EOLA2: variants seen among roughly 807,000 people sequenced by gnomAD.
EOLA2 encodes the protein protein EOLA2.
In EOLA2, 3 loss-of-function variants were observed where a neutral mutation model predicts 4.1. The ratio of observed to expected loss-of-function variants is 0.73; its 90% confidence interval spans 0.33 to 1.89. EOLA2 has a LOEUF of 1.89. Ranked by LOEUF, EOLA2 falls within the 40% of genes most tolerant of loss-of-function variation. The pLI, the probability that EOLA2 is intolerant of heterozygous loss-of-function variation, is 0.08. For synonymous variants in EOLA2, 52 were observed against 51.7 expected (o/e 1.01, Z -0.03); for missense variants, 109 against 126.4 (o/e 0.86, Z 0.66).
At chrX:149,935,788 C>T (rs1194459267) in intron 2 of EOLA2, among the ~76,000 whole-genome samples, 14 of 106,394 alleles carry the variant, frequency 1.3e-4, no homozygotes, top group Middle Eastern at 4.8e-3. Flanking sequence ...ACCTCCCTTC[C>T]ACCTCTGTGA....
At chrX:149,937,742 A>C (rs184917597) in intron 1 of EOLA2, among the ~76,000 whole-genome samples, 149 of 112,654 alleles carry the variant, frequency 1.3e-3, no homozygotes, top group African/African-American at 4.6e-3. Flanking sequence ...TCACATTCCT[A>C]CAGCTGAGCA....
downstream of EOLA2, among the ~76,000 whole-genome samples, chrX:149,931,468 A>G (rs1300492436): frequency 1.9e-5 from 2 of 107,106 alleles, no homozygotes; most frequent in Admixed American, 2.0e-4. Flanking sequence ...GGCCAAGCCC[A>G]GGAAGACCTG....
chrX:149,930,433 T>C (rs1248832470), downstream of EOLA2, among the ~76,000 whole-genome samples: 15 of 110,234 alleles, frequency 1.4e-4, no homozygotes, highest in East Asian at 4.3e-3. Context: ...ATCTATGAAT[T>C]GTTTATCTTT....
intron 2 of EOLA2, among the ~76,000 whole-genome samples, chrX:149,935,296 GC>G (rs2090965111): frequency 1.4e-5 from 1 of 72,494 alleles, no homozygotes; most frequent in African/African-American, 5.5e-5. Flanking sequence ...TGCCTGCTGT[GC>G]TCTGGACCCT....
intron 2 of EOLA2, 87 bp from the exon 3 acceptor site, chrX:149,934,224 C>T: frequency 1.2e-6 from 1 of 817,842 alleles, no homozygotes; most frequent in Non-Finnish European, 1.5e-6. Context: ...GACAGAGGGC[C>T]CCCTCGGCCT....
intron 2 of EOLA2, among the ~76,000 whole-genome samples, chrX:149,935,252 C>T (rs1180315063): frequency 1.3e-5 from 1 of 77,682 alleles, no homozygotes; most frequent in African/African-American, 4.9e-5. Context: ...GCTTTTCTCC[C>T]GCCTCTGGGG....
chrX:149,937,977 G>A (rs1307802034), intron 1 of EOLA2, among the ~76,000 whole-genome samples: 4 of 113,010 alleles, frequency 3.5e-5, no homozygotes, highest in African/African-American at 9.6e-5. Flanking sequence ...TGGGGCCGCT[G>A]TGTGTGGAGC....
chrX:149,938,453 C>A lies in EOLA2; in HGVS notation c.-471G>T, dbSNP rs1162127440. The A allele has an allele frequency of 8.9e-6, 1 of 112,900 alleles. No homozygotes were observed. Among genetic ancestry groups the A allele is most frequent in the Non-Finnish European group, 1.9e-5 (1 of 53,293 alleles). 9.3% of individuals were successfully genotyped at this position (112,900 alleles called of 1,213,427 possible). The stretch of plus-strand genomic sequence containing the variant: ...GCGGTCCATAACTTCGGCTTTCATG[C>A]AGCTCCCGTCGTCCCTTTCATGAGG... On this transcript the variant is annotated 5_prime_UTR_variant, in exon 1 of 5. Transcript: ENST00000370406.
intron 2 of EOLA2, 114 bp from the exon 3 acceptor site, chrX:149,934,251 C>T (rs1442097862): frequency 8.2e-6 from 6 of 733,190 alleles, no homozygotes; most frequent in African/African-American, 2.2e-5. Flanking sequence ...AGCGGAGAGT[C>T]GGGGCTGGTG....
At chrX:149,937,978 T>C (rs781806242) in intron 1 of EOLA2, among the ~76,000 whole-genome samples, 45 of 112,651 alleles carry the variant, frequency 4.0e-4, no homozygotes, top group Non-Finnish European at 7.9e-4. Flanking sequence ...GGGGCCGCTG[T>C]GTGTGGAGCA....
At chrX:149,935,007 C>T (rs782248860) in intron 2 of EOLA2, among the ~76,000 whole-genome samples, 102 of 112,123 alleles carry the variant, frequency 9.1e-4, no homozygotes, top group East Asian at 2.8e-3. Flanking sequence ...AAATAGTGGC[C>T]GCCCTCACCC....
At chrX:149,937,934 G>A (rs782548182) in intron 1 of EOLA2, among the ~76,000 whole-genome samples, 1 of 112,950 alleles carries the variant, frequency 8.9e-6, no homozygotes, top group East Asian at 2.8e-4. Context: ...CAGCACAGGG[G>A]CCAAGCGGGA....
chrX:149,931,172 C>T, downstream of EOLA2: 1 of 930,604 alleles, frequency 1.1e-6, no homozygotes, highest in African/African-American at 2.0e-5. Context: ...TTCGTGAACT[C>T]ACAGGCCACT....
At chrX:149,934,375 A>C in intron 2 of EOLA2, 1 of 638,281 alleles carries the variant, frequency 1.6e-6, no homozygotes, top group South Asian at 8.0e-5. Flanking sequence ...CAAGGCACTG[A>C]CCTTCCCAGC....
Position 149,932,574 on chromosome X carries a change from C to T in EOLA2, c.447G>A (p.Glu149=), listed in dbSNP as rs782470234. The T allele has an allele frequency of 3.3e-6, 4 of 1,206,570 alleles. No homozygotes were observed. The highest frequency in any genetic ancestry group is 2.2e-5 in the Admixed American group (1 of 45,680). Residue 149 remains glutamate, a synonymous_variant, in exon 5 of 5, where the codon GAG becomes GAA. Transcript: ENST00000370406. The part of the protein sequence containing the change: ...GKDVFQVDIP[E]HLIPLGHEV ...CTTCATGCCCCAAAGGGATCAGGTGCTCTGGGATGTCTACCTGGAATACAT... is the reference window on the plus strand; with the variant it reads ...CTTCATGCCCCAAAGGGATCAGGTGTTCTGGGATGTCTACCTGGAATACAT...
downstream of EOLA2, chrX:149,931,332 C>G (rs1224936423): frequency 3.0e-5 from 9 of 299,917 alleles, no homozygotes; most frequent in Non-Finnish European, 4.8e-5. Context: ...ATATACATCT[C>G]ATTGGCAGAA....
chrX:149,931,012 T>C (rs1296391233), downstream of EOLA2: 34 of 934,004 alleles, frequency 3.6e-5, no homozygotes, highest in African/African-American at 6.1e-4. Context: ...ATAATGGTAG[T>C]GTAATGTCTT....
intron 2 of EOLA2, 85 bp downstream of exon 2, chrX:149,937,348 G>T: frequency 3.6e-6 from 1 of 279,229 alleles, no homozygotes; most frequent in Non-Finnish European, 4.9e-6. Flanking sequence ...AACTGTGTGT[G>T]TGTGGAATCC....
rs782543576 is a variant in EOLA2 at position 149,934,078 on chromosome X, C to T, written c.-103G>A. The T allele has an allele frequency of 7.2e-5, 78 of 1,076,663 alleles. No individual in the cohort carries two copies. The East Asian group carries it at 1.2e-3, about 17-fold the overall frequency. The allele number at this position is 1,076,663 out of a possible 1,213,427, so 88.7% of individuals were successfully genotyped here. On this transcript the variant is annotated 5_prime_UTR_variant, in exon 3 of 5. Coordinates refer to ENST00000370406, the MANE Select transcript of EOLA2 (RefSeq NM_001013845.2). ...AGGCCCAAGGGAAGGGGCTAGGATTCGGCTGACTCAGGTCCATCCCATGGA... is the reference window on the plus strand; with the variant it reads ...AGGCCCAAGGGAAGGGGCTAGGATTTGGCTGACTCAGGTCCATCCCATGGA...
Sources: gnomAD v4.1 joint callset for allele counts (sites outside exome capture counted in the v4.1 genomes callset) on GRCh38, gnomAD v4.1.1 for gene constraint, MANE v1.5 for transcripts, NCBI Gene and HGNC (gene_info 2026-07-23, HGNC 2026-07-21) for gene names.